The following FCHO2 variants were observed in gnomAD, a reference collection of about 807,000 sequenced individuals.
FCHO2 encodes F-BAR domain only protein 2.
A neutral mutation model predicts 114.1 loss-of-function variants in FCHO2; 43 were observed. The ratio of observed to expected loss-of-function variants is 0.38; its 90% CI spans 0.30 to 0.49. The LOEUF is 0.49. Among genes scored for constraint, FCHO2 ranks in the 20% least tolerant of loss-of-function variants. FCHO2 has a pLI of 0.97. For synonymous variants in FCHO2, 293 were observed against 315.2 expected, an observed-to-expected ratio of 0.93 and a Z score of 0.75; for missense variants, 807 against 950.4, an observed-to-expected ratio of 0.85 and a Z score of 1.98.
intron 8 of FCHO2, among the ~76,000 whole-genome samples, chr5:73,031,994 T>G (rs568536689): frequency 1.3e-5 from 2 of 152,352 alleles, no homozygotes; most frequent in Middle Eastern, 3.4e-3. Context: ...ATAACTTGTC[T>G]TATGATTAAA....
chr5:73,028,646 C>A (rs374795007), intron 8 of FCHO2, among the ~76,000 whole-genome samples: 1 of 112,166 alleles, frequency 8.9e-6, no homozygotes, highest in Non-Finnish European at 1.8e-5. Context: ...TTATATGATT[C>A]TTTTTTTTTT....
chr5:73,051,776 G>T (rs1757350638), intron 12 of FCHO2, among the ~76,000 whole-genome samples: 1 of 152,062 alleles, frequency 6.6e-6, no homozygotes, highest in Admixed American at 6.6e-5. Context: ...ATGTTGGCCA[G>T]CCAGGCTGGT....
intron 8 of FCHO2, among the ~76,000 whole-genome samples, chr5:73,027,064 A>G (rs1471969510): frequency 1.4e-5 from 2 of 142,110 alleles, no homozygotes; most frequent in African/African-American, 2.6e-5. Flanking sequence ...GTTCCTCTGG[A>G]ATTTGAGTCA....
chr5:72,957,388 C>A (rs1465931060), intron 1 of FCHO2, among the ~76,000 whole-genome samples: 1 of 152,144 alleles, frequency 6.6e-6, no homozygotes, highest in East Asian at 1.9e-4. Context: ...CCCATTTTCC[C>A]CCTGCCCCAG....
intron 1 of FCHO2, among the ~76,000 whole-genome samples, chr5:72,962,819 G>A (rs1020751275): frequency 1.3e-5 from 2 of 152,048 alleles, no homozygotes; most frequent in Non-Finnish European, 2.9e-5. Flanking sequence ...CTTGAACCCG[G>A]GTGGCAGAGG....
chr5:73,008,645 T>C (rs1754841634), intron 6 of FCHO2, among the ~76,000 whole-genome samples: 1 of 152,162 alleles, frequency 6.6e-6, no homozygotes, highest in African/African-American at 2.4e-5. Flanking sequence ...TGTCCACAGT[T>C]CCTTATCCAC....
At chr5:72,967,298 C>CA (rs1752255145) in intron 1 of FCHO2, among the ~76,000 whole-genome samples, 1 of 152,064 alleles carries the variant, frequency 6.6e-6, no homozygotes, top group Non-Finnish European at 1.5e-5. Context: ...CAAAAACAAA[C>CA]AAACGAAAAT....
At chr5:73,033,009 T>G (rs1756315930) in intron 8 of FCHO2, among the ~76,000 whole-genome samples, 2 of 152,194 alleles carry the variant, frequency 1.3e-5, no homozygotes. Flanking sequence ...TTCTTTACCC[T>G]TATTGATTTT....
chr5:73,083,991 A>T (rs774674248), intron 24 of FCHO2, among the ~76,000 whole-genome samples: 1 of 151,856 alleles, frequency 6.6e-6, no homozygotes, highest in Non-Finnish European at 1.5e-5. Flanking sequence ...TATCAGCAGC[A>T]TTCAATTTTC....
At chr5:72,996,010 C>T (rs1234739788) in intron 5 of FCHO2, among the ~76,000 whole-genome samples, 1 of 151,816 alleles carries the variant, frequency 6.6e-6, no homozygotes. Context: ...TGGGAGGCCA[C>T]GGTGGGTGGA....
intron 18 of FCHO2, among the ~76,000 whole-genome samples, chr5:73,068,354 G>A (rs1561491131): frequency 6.6e-6 from 1 of 151,992 alleles, no homozygotes; most frequent in Non-Finnish European, 1.5e-5. Context: ...TGGGAAGAAC[G>A]TTTATACTGT....
chr5:73,002,969 G>C (rs1754524142), intron 5 of FCHO2, among the ~76,000 whole-genome samples: 1 of 152,074 alleles, frequency 6.6e-6, no homozygotes, highest in Admixed American at 6.6e-5. Context: ...TTTTAAAAAA[G>C]TAATTTATTT....
At chr5:73,026,256 G>C (rs550222472) in intron 8 of FCHO2, among the ~76,000 whole-genome samples, 4 of 152,216 alleles carry the variant, frequency 2.6e-5, no homozygotes, top group African/African-American at 7.2e-5. Flanking sequence ...GAACACCTGA[G>C]GTCAGGGGTT....
intron 2 of FCHO2, among the ~76,000 whole-genome samples, chr5:72,976,802 C>T (rs918353069): frequency 1.3e-5 from 2 of 148,286 alleles, no homozygotes; most frequent in Admixed American, 1.4e-4. Context: ...CCAAACAGGC[C>T]CTGGTGTGTG....
chr5:72,987,683 T>G (rs1753608337), intron 2 of FCHO2, among the ~76,000 whole-genome samples: 1 of 152,166 alleles, frequency 6.6e-6, no homozygotes, highest in African/African-American at 2.4e-5. Context: ...TTCTTTACCT[T>G]GCTGTTAAAC....
At chr5:72,981,545 A>G (rs780696508) in intron 2 of FCHO2, among the ~76,000 whole-genome samples, 2 of 152,190 alleles carry the variant, frequency 1.3e-5, no homozygotes, top group African/African-American at 2.4e-5. Flanking sequence ...GTGTTTTCCA[A>G]CTTGGTTCCA....
At chr5:72,969,131 CTATCCTACTAACTTAAAGCTAT>C (rs1752370131) in intron 2 of FCHO2, among the ~76,000 whole-genome samples, 1 of 152,142 alleles carries the variant, frequency 6.6e-6, no homozygotes, top group South Asian at 2.1e-4. Context: ...TCAAAAGCTG[CTATCCTACTAACTTAAAGCTAT>C]TTTGTGGCTA....
intron 6 of FCHO2, among the ~76,000 whole-genome samples, chr5:73,015,246 T>C (rs1276168804): frequency 6.6e-6 from 1 of 151,724 alleles, no homozygotes; most frequent in Non-Finnish European, 1.5e-5. Context: ...CTTGGAAAAT[T>C]TGGTTATATT....
intron 8 of FCHO2, chr5:73,020,646 A>C (rs1755566532): frequency 2.1e-6 from 2 of 941,446 alleles, no homozygotes; most frequent in East Asian, 4.9e-5. Flanking sequence ...AGGACTTTCA[A>C]GTTCCAGTTA....
Sources: allele counts gnomAD v4.1 joint callset (sites outside exome capture counted in the v4.1 genomes callset), GRCh38; gene constraint gnomAD v4.1.1; transcripts MANE v1.5; gene names NCBI Gene and HGNC (gene_info 2026-07-23, HGNC 2026-07-21).